Variants in NNMT observed in about 807,000 individuals in gnomAD.
NNMT encodes nicotinamide N-methyltransferase.
NNMT carries 10 observed loss-of-function variants against 11.7 expected under a neutral mutation model. That is an observed-to-expected ratio of 0.85 (90% confidence interval 0.53 to 1.45). NNMT has a LOEUF of 1.45. Among genes scored for constraint, NNMT ranks in the 40% most tolerant of loss-of-function variants. The pLI, the probability that NNMT is intolerant of heterozygous loss-of-function variation, is 0.00. For synonymous variants in NNMT, 143 were observed against 133.8 expected (o/e 1.07, Z -0.48); for missense variants, 381 against 319.4 (o/e 1.19, Z -1.47).
chr11:114,308,675 T>G lies in NNMT; in HGVS notation c.363-3370T>G, dbSNP rs1945515916. ...GCTTTCTGCAAAACAGCATAGCACT[T>G]TCCCGGTGTGTGTTTATTACCTACC... On this transcript the variant is annotated intron_variant, in intron 2 of 2. Coordinates refer to ENST00000299964, the MANE Select transcript of NNMT (RefSeq NM_006169.3). Among the ~76,000 whole-genome samples the G allele has an allele frequency of 4.6e-5, 7 of 152,170 alleles. 1 individual carries two copies. Among genetic ancestry groups the G allele is most frequent in the Admixed American group, 4.6e-4 (7 of 15,276 alleles).
intron 2 of NNMT, among the ~76,000 whole-genome samples, chr11:114,269,311 C>A (rs1246524857): frequency 6.6e-6 from 1 of 152,204 alleles, no homozygotes; most frequent in Non-Finnish European, 1.5e-5. Flanking sequence ...TTACCTTAAT[C>A]CATTGTGTTC....
rs1945142561 is a variant in NNMT, at chr11:114,268,646, G to C, written c.-130+5712G>C. On this transcript the variant is annotated intron_variant, in intron 2 of 4. Transcript: ENST00000535401. ...TAGCTGGGCGTGGTGGCACACGCCT[G>C]TAGTCCCAGCTACTCGGGAGGCTGA... Among the ~76,000 whole-genome samples, 3 of 151,988 alleles carry C rather than the reference G, an allele frequency of 2.0e-5. No individual in the cohort carries two copies. The South Asian group carries it at 6.2e-4, about 32-fold the overall frequency.
intron 2 of NNMT, among the ~76,000 whole-genome samples, chr11:114,263,244 A>G (rs1158263484): frequency 1.3e-5 from 2 of 152,170 alleles, no homozygotes; most frequent in Non-Finnish European, 2.9e-5. Flanking sequence ...AACAAGCACC[A>G]ATGAAACTGA....
chr11:114,260,352 T>C (rs1011886860), intron 1 of NNMT, among the ~76,000 whole-genome samples: 2 of 152,266 alleles, frequency 1.3e-5, no homozygotes, highest in South Asian at 4.1e-4. Flanking sequence ...CCCTTCCCTA[T>C]GTGGAACTGA....
intron 1 of NNMT, among the ~76,000 whole-genome samples, chr11:114,259,313 C>G (rs1265022027): frequency 6.6e-6 from 1 of 151,650 alleles, no homozygotes; most frequent in Admixed American, 6.6e-5. Flanking sequence ...CGGGCACCTC[C>G]CCAGGACACG....
chr11:114,273,533 C>G (rs1285105690), intron 2 of NNMT, among the ~76,000 whole-genome samples: 1 of 152,188 alleles, frequency 6.6e-6, no homozygotes, highest in Admixed American at 6.5e-5. Flanking sequence ...TCTTAGAACA[C>G]AGTTGATACT....
chr11:114,258,147 C>T (rs980828895), intron 1 of NNMT, among the ~76,000 whole-genome samples: 1 of 152,200 alleles, frequency 6.6e-6, no homozygotes, highest in African/African-American at 2.4e-5. Flanking sequence ...ACACACTCAC[C>T]AGGAGGGCAC....
At position 114,289,143 on chromosome 11, in the gene NNMT, C is replaced by T. The variant is rs548569500; in HGVS notation, c.-129-7285C>T. ...TATGTGTTATATATTTATTTGGAAA[C>T]CTCTAAATTTAATGTTTCAATGTAT... is the stretch of plus-strand genomic sequence containing the variant. On this transcript the variant is annotated intron_variant, in intron 2 of 4. Transcript: ENST00000535401. Among the ~76,000 whole-genome samples, 32 of 152,186 alleles carry T rather than the reference C, an allele frequency of 2.1e-4. No homozygotes were observed. The South Asian group carries it at 6.6e-3, about 32-fold the overall frequency.
At position 114,298,917 on chromosome 11, in the gene NNMT, T is replaced by C. The variant is rs1169508372; in HGVS notation, c.362+759T>C. 6.6e-5 allele frequency among the ~76,000 whole-genome samples: 10 copies of C among 152,246 alleles called. 1 individual carries two copies. Among genetic ancestry groups the C allele is most frequent in the Admixed American group, 6.5e-4 (10 of 15,284 alleles). On this transcript the variant is annotated intron_variant, in intron 2 of 2. Coordinates refer to ENST00000299964, the MANE Select transcript of NNMT (RefSeq NM_006169.3). ...TCTCATATCCTTATGCACTTCCATC[T>C]TCTGCTGATTGTCTGACAATATCCA... is the stretch of plus-strand genomic sequence containing the variant.
chr11:114,301,256 G>A (rs1945436684), intron 2 of NNMT, among the ~76,000 whole-genome samples: 1 of 152,176 alleles, frequency 6.6e-6, no homozygotes, highest in South Asian at 2.1e-4. Flanking sequence ...AAAGCTGCAT[G>A]TATTACACTC....
chr11:114,276,018 T>G (rs1014897936), intron 2 of NNMT, among the ~76,000 whole-genome samples: 3 of 152,160 alleles, frequency 2.0e-5, no homozygotes, highest in Non-Finnish European at 4.4e-5. Context: ...TCAAATGTGC[T>G]TACATGTGAC....
intron 2 of NNMT, among the ~76,000 whole-genome samples, chr11:114,288,783 T>C (rs192864171): frequency 6.6e-6 from 1 of 152,308 alleles, no homozygotes; most frequent in Admixed American, 6.5e-5. Flanking sequence ...TTAAACCAGT[T>C]CCTGAAAAAT....
intron 2 of NNMT, among the ~76,000 whole-genome samples, chr11:114,273,392 A>G (rs74688369): frequency 2.0e-5 from 3 of 152,128 alleles, no homozygotes; most frequent in African/African-American, 4.8e-5. Flanking sequence ...CCAGAGTCCA[A>G]ATGATATTGA....
chr11:114,275,950 A>G (rs1297166409), intron 2 of NNMT, among the ~76,000 whole-genome samples: 1 of 152,082 alleles, frequency 6.6e-6, no homozygotes, highest in Non-Finnish European at 1.5e-5. Flanking sequence ...CACTCTTTCC[A>G]TTTCCTTCTT....
At position 114,299,367 on chromosome 11, in the gene NNMT, C is replaced by A. The variant is rs570342435; in HGVS notation, c.362+1209C>A. Among the ~76,000 whole-genome samples the A allele has an allele frequency of 7.2e-5, 11 of 152,202 alleles. No homozygotes were observed. The East Asian group carries it at 2.1e-3, about 29-fold the overall frequency. On this transcript the variant is annotated intron_variant, in intron 2 of 2. Transcript: ENST00000299964. ...ATTTGTTTGCATTTATTAAGATGGT[C>A]TTATGATTTTCCTCCTGTATTCTGA... is the stretch of plus-strand genomic sequence containing the variant.
Position 114,312,850 on chromosome 11 carries a change from C to A in NNMT, c.*373C>A. On this transcript the variant is annotated 3_prime_UTR_variant, in exon 3 of 3. Coordinates refer to ENST00000299964, the MANE Select transcript of NNMT (RefSeq NM_006169.3). ...AGGGGGCACTGCTGGCTCCTTCTCT[C>A]CCAGGAATGGGCTTCTCCTATTCTT... 5.2e-6 allele frequency: 1 copy of A among 191,542 alleles called. No homozygotes were observed. The allele number at this position is 191,542 out of a possible 1,614,324, so 11.9% of individuals were successfully genotyped here.
chr11:114,294,420 G>A (rs1428198295), upstream of NNMT, among the ~76,000 whole-genome samples: 2 of 149,968 alleles, frequency 1.3e-5, no homozygotes, highest in Admixed American at 1.3e-4. Context: ...GAAGGTTGCA[G>A]TGAGCTGAGA....
intron 2 of NNMT, among the ~76,000 whole-genome samples, chr11:114,265,154 C>G (rs954635295): frequency 3.3e-5 from 5 of 152,178 alleles, no homozygotes; most frequent in African/African-American, 1.2e-4. Flanking sequence ...CTGCCAACCC[C>G]TCAGTAAACT....
intron 2 of NNMT, among the ~76,000 whole-genome samples, chr11:114,287,419 A>G (rs1352638949): frequency 6.6e-6 from 1 of 152,160 alleles, no homozygotes; most frequent in Non-Finnish European, 1.5e-5. Context: ...TTTTTTGTGC[A>G]TAATGTGAGG....
Sources: allele counts gnomAD v4.1 joint callset (sites outside exome capture counted in the v4.1 genomes callset), GRCh38; gene constraint gnomAD v4.1.1; transcripts MANE v1.5; gene names NCBI Gene and HGNC (gene_info 2026-07-23, HGNC 2026-07-21).